GPRIN1: variants seen among roughly 807,000 people sequenced by gnomAD.
GPRIN1 encodes the protein G protein regulated inducer of neurite outgrowth 1, also known as G protein-regulated inducer of neurite outgrowth 1.
Under a neutral mutation model 2.8 loss-of-function variants are expected in GPRIN1, and 4 were observed. The ratio of observed to expected loss-of-function variants is 1.45; its 90% CI spans 0.71 to 3.32. The LOEUF is 3.32. Among genes scored for constraint, GPRIN1 ranks in the 30% most tolerant of loss-of-function variants. The pLI, the probability that GPRIN1 is intolerant of heterozygous loss-of-function variation, is 0.01. For synonymous variants in GPRIN1, 589 were observed against 589.9 expected (o/e 1.00, Z 0.02); for missense variants, 1,322 against 1,343.4 (o/e 0.98, Z 0.25).
In GPRIN1 at chr5:176,596,794, A is replaced by G; in HGVS notation, c.*14T>C. The G allele has an allele frequency of 7.0e-7, 1 of 1,426,578 alleles. No individual in the cohort carries two copies. The highest frequency in any genetic ancestry group is 9.2e-7 in the Non-Finnish European group (1 of 1,090,424). 88.4% of individuals were successfully genotyped at this position (1,426,578 alleles called of 1,614,324 possible). A position where few individuals can be genotyped will look rare whatever the true frequency, so the allele number is the denominator to read the frequency against. ...GAGAAGGTCGGAAACTCGGGCGTAC[A>G]AAATGGGGGCAGATCACTCGGCCGT... On this transcript the variant is annotated 3_prime_UTR_variant, in exon 2 of 2. Coordinates refer to ENST00000303991, the MANE Select transcript of GPRIN1 (RefSeq NM_052899.3). This position sits in a 1 kb window ranked among gnomAD's most constrained non-coding sequence, Gnocchi z 5.2.
At position 176,597,871 on chromosome 5, in the gene GPRIN1, C is replaced by T. The variant is rs1203792402; in HGVS notation, c.1964G>A (p.Gly655Glu). 1.9e-6 allele frequency: 3 copies of T among 1,613,590 alleles called. No homozygotes were observed. Among genetic ancestry groups the T allele is most frequent in the Non-Finnish European group, 2.5e-6 (3 of 1,179,926 alleles). Reference protein sequence around the residue: ...QEGAAAPGEAGAVCLKKETPQ... With the variant: ...QEGAAAPGEAEAVCLKKETPQ... ...TGTCTCCTTTTTCAAACACACAGCCCCTGCTTCCCCTGGTGCTGCAGCGCC... is the reference window on the plus strand; with the variant it reads ...TGTCTCCTTTTTCAAACACACAGCCTCTGCTTCCCCTGGTGCTGCAGCGCC... Residue 655 changes from glycine to glutamate, a missense_variant, in exon 2 of 2, where the codon GGG becomes GAG. This residue lies in a region of GPRIN1 where 1,117 missense variants were observed against 1,128.6 expected (regional missense o/e 0.99). Transcript: ENST00000303991. This position sits in a 1 kb window ranked among gnomAD's most constrained non-coding sequence, Gnocchi z 6.1.
At chr5:176,609,712 C>T (rs1019788630) in intron 1 of GPRIN1, among the ~76,000 whole-genome samples, 1 of 151,968 alleles carries the variant, frequency 6.6e-6, no homozygotes, top group African/African-American at 2.4e-5. Flanking sequence ...GCCGACCCCA[C>T]AGCCAGGTCA....
At chr5:176,608,171 G>A (rs1358296806) in intron 1 of GPRIN1, among the ~76,000 whole-genome samples, 1 of 151,704 alleles carries the variant, frequency 6.6e-6, no homozygotes, top group Non-Finnish European at 1.5e-5. Context: ...CCTCCTGCCT[G>A]GGCTTCTCAA....
rs565127464 is a variant in GPRIN1 at position 176,600,780 on chromosome 5, G to C, written c.-43-903C>G. Among the ~76,000 whole-genome samples the C allele has an allele frequency of 1.9e-4, 29 of 152,260 alleles. No homozygotes were observed. In the South Asian group the frequency reaches 5.6e-3, roughly 29 times the overall value. On this transcript the variant is annotated intron_variant, in intron 1 of 1. Transcript: ENST00000303991. Reference sequence around the variant, plus strand: ...TATACAAAAAAATTAGCCAGGTGTGGTGGTGCACGCCTGTAATCCCAGCTA... The same window carrying C: ...TATACAAAAAAATTAGCCAGGTGTGCTGGTGCACGCCTGTAATCCCAGCTA...
In GPRIN1 at chr5:176,599,158, T is replaced by C. The variant is rs1339128429; in HGVS notation, c.677A>G (p.Tyr226Cys). Residue 226 changes from tyrosine (Y) to cysteine (C), a missense_variant, in exon 2 of 2, where the codon TAT becomes TGT. This residue lies in a region of GPRIN1 where 1,117 missense variants were observed against 1,128.6 expected (regional missense o/e 0.99). Coordinates refer to ENST00000303991, the MANE Select transcript of GPRIN1 (RefSeq NM_052899.3). ...ATCCTCCTTCCTCGGTGACACTGTA[T>C]ACGTCTTGCTGGAGCACAAAGGATC... ...KVDPLCSSKT[Y>C]TVSPRKEDPG... 1 of 1,613,736 alleles carries C rather than the reference T, an allele frequency of 6.2e-7. No homozygotes were observed. Among genetic ancestry groups the C allele is most frequent in the African/African-American group, 1.3e-5 (1 of 74,896 alleles).
At chr5:176,609,260 G>A (rs531964905) in intron 1 of GPRIN1, among the ~76,000 whole-genome samples, 5 of 152,278 alleles carry the variant, frequency 3.3e-5, no homozygotes, top group East Asian at 3.9e-4. Context: ...GGGTGGCCCC[G>A]AGTGTGTTGT....
chr5:176,598,540 G>C lies in GPRIN1; in HGVS notation c.1295C>G (p.Pro432Arg). The C allele has an allele frequency of 6.2e-7, 1 of 1,614,138 alleles. No homozygotes were observed. Among genetic ancestry groups the C allele is most frequent in the African/African-American group, 1.3e-5 (1 of 75,042 alleles). The change falls in exon 2 of 2, where the codon CCA becomes CGA. Residue 432 changes from proline to arginine, a missense_variant. Pro to Arg is a moderately radical substitution (Grantham distance 103, BLOSUM62 -2). Coordinates refer to ENST00000303991, the MANE Select transcript of GPRIN1 (RefSeq NM_052899.3). The stretch of plus-strand genomic sequence containing the variant: ...TGCCTGTCCAGGAGACAAGAGCTCT[G>C]GCTTTCCTGAGCACATGGGGTCCAT... ...GKMDPMCSGKPELLSPGQAER... is the reference protein window; with the variant it reads ...GKMDPMCSGKRELLSPGQAER...
In GPRIN1 at chr5:176,598,348, T is replaced by C; in HGVS notation, c.1487A>G (p.Asp496Gly). The part of the protein sequence containing the change: ...KTNPVSSGPG[D>G]PRSLGTAGPP... ...ACCTGCTGTCCCCAAGGACCTGGGA[T>C]CGCCTGGACCTGAAGACACAGGGTT... is the stretch of plus-strand genomic sequence containing the variant. Residue 496 changes from aspartate to glycine, a missense_variant, in exon 2 of 2, where the codon GAT becomes GGT. Around this residue, in one of 3 missense-constraint regions of GPRIN1, gnomAD observed 1,117 missense variants for 1,128.6 expected, o/e 0.99. Transcript: ENST00000303991. The C allele has an allele frequency of 6.2e-7, 1 of 1,613,770 alleles. No homozygotes were observed. Among genetic ancestry groups the C allele is most frequent in the Non-Finnish European group, 8.5e-7 (1 of 1,179,726 alleles).
In GPRIN1 at chr5:176,599,816, G is replaced by T; in HGVS notation, c.19C>A (p.Pro7Thr). 1 of 1,491,722 alleles carries T rather than the reference G, an allele frequency of 6.7e-7. No homozygotes were observed. The highest frequency in any genetic ancestry group is 1.4e-5 in the South Asian group (1 of 69,788). 92.4% of individuals were successfully genotyped at this position (1,491,722 alleles called of 1,614,324 possible). A position where few individuals can be genotyped will look rare whatever the true frequency, so the allele number is the denominator to read the frequency against. The change falls in exon 2 of 2, where the codon CCG becomes ACG. Residue 7 changes from proline to threonine, a missense_variant. Pro to Thr is a conservative substitution (Grantham distance 38). This residue lies in a region of GPRIN1 where 1,117 missense variants were observed against 1,128.6 expected (regional missense o/e 0.99). Coordinates refer to ENST00000303991, the MANE Select transcript of GPRIN1 (RefSeq NM_052899.3). The part of the protein sequence containing the change: MDTAED[P>T]AWLQLLQKDS... ...TTTTGAAGCAGCTGGAGCCAGGCCG[G>T]GTCTTCAGCAGTGTCCATCTGCCCT...
intron 1 of GPRIN1, among the ~76,000 whole-genome samples, chr5:176,603,256 T>A (rs1023853130): frequency 5.9e-5 from 9 of 151,892 alleles, no homozygotes; most frequent in Non-Finnish European, 1.3e-4. Flanking sequence ...ATACACACTC[T>A]CTCTCTCCCC....
Position 176,599,850 on chromosome 5 carries a change from C to CT in GPRIN1, c.-17_-16insA. On this transcript the variant is annotated 5_prime_UTR_variant, in exon 2 of 2. Coordinates refer to ENST00000303991, the MANE Select transcript of GPRIN1 (RefSeq NM_052899.3). ...CAGTGTCCATCTGCCCTCATGACCA[C>CT]GCCTGCACCCAAGGCTGCTGTCTGG... is the stretch of plus-strand genomic sequence containing the variant. The CT allele has an allele frequency of 7.0e-7, 1 of 1,430,102 alleles. No individual in the cohort carries two copies. Among genetic ancestry groups the CT allele is most frequent in the Non-Finnish European group, 9.2e-7 (1 of 1,087,768 alleles). 88.6% of individuals were successfully genotyped at this position (1,430,102 alleles called of 1,614,324 possible). A position where few individuals can be genotyped will look rare whatever the true frequency, so the allele number is the denominator to read the frequency against.
chr5:176,599,107 G>A lies in GPRIN1; in HGVS notation c.728C>T (p.Pro243Leu), dbSNP rs754227254. ...EDPGSLRKVD[P>L]VSSDKVDPVF... ...AGGGTCCACTTTGTCTGAGGACACA[G>A]GATCCACCTTTCTCAAAGACCCAGG... The change falls in exon 2 of 2, where the codon CCT becomes CTT. Residue 243 changes from proline to leucine, a missense_variant. By Grantham distance (98) the Pro-to-Leu change is moderately conservative. Around this residue, in one of 3 missense-constraint regions of GPRIN1, gnomAD observed 1,117 missense variants for 1,128.6 expected, o/e 0.99. Transcript: ENST00000303991. 1 of 1,613,978 alleles carries A rather than the reference G, an allele frequency of 6.2e-7. No homozygotes were observed. Among genetic ancestry groups the A allele is most frequent in the East Asian group, 2.2e-5 (1 of 44,874 alleles).
rs1379233306 is a variant in GPRIN1, at chr5:176,596,911, G to C, written c.2924C>G (p.Pro975Arg). 1 of 1,226,138 alleles carries C rather than the reference G, an allele frequency of 8.2e-7. No homozygotes were observed. The highest frequency in any genetic ancestry group is 3.3e-5 in the East Asian group (1 of 30,376). The allele number at this position is 1,226,138 out of a possible 1,614,324, so 76.0% of individuals were successfully genotyped here. A position where few individuals can be genotyped will look rare whatever the true frequency, so the allele number is the denominator to read the frequency against. Reference sequence around the variant, plus strand: ...CGGACGCTTGGCGGCGCCATCTGGGGGCGCGGTGCGCACCGAGCCCGAACG... The same window carrying C: ...CGGACGCTTGGCGGCGCCATCTGGGCGCGCGGTGCGCACCGAGCCCGAACG... ...PGRSGSVRTA[P>R]PDGAAKRPPG... is the part of the protein sequence containing the mutation. Residue 975 changes from proline (P) to arginine (R), a missense_variant, in exon 2 of 2, where the codon CCC becomes CGC. By Grantham distance (103) the Pro-to-Arg change is moderately radical (BLOSUM62 -2). Transcript: ENST00000303991. The surrounding 1 kb of genome is among the most constrained non-coding windows in gnomAD (Gnocchi z 5.2).
chr5:176,608,438 A>C (rs1027619904), intron 1 of GPRIN1, among the ~76,000 whole-genome samples: 1 of 152,238 alleles, frequency 6.6e-6, no homozygotes, highest in Non-Finnish European at 1.5e-5. Flanking sequence ...CAGAAGGCAG[A>C]AATGTCTGCT....
In GPRIN1 at chr5:176,599,587, C is replaced by A. The variant is rs755290532; in HGVS notation, c.248G>T (p.Cys83Phe). 1 of 1,551,156 alleles carries A rather than the reference C, an allele frequency of 6.4e-7. No homozygotes were observed. The highest frequency in any genetic ancestry group is 8.7e-7 in the Non-Finnish European group (1 of 1,152,610). ...CAGGCTCCCTCTGGGGCCGTCAGAG[C>A]AGGAGGCCCCTTCCCCAGCCCCACT... Reference protein sequence around the residue: ...SPSGAGEGASCSDGPRGSLAC... With the variant: ...SPSGAGEGASFSDGPRGSLAC... Residue 83 changes from cysteine to phenylalanine, a missense_variant, in exon 2 of 2, where the codon TGC (cysteine) becomes TTC (phenylalanine). By Grantham distance (205) the Cys-to-Phe change is radical (BLOSUM62 -2). Coordinates refer to ENST00000303991, the MANE Select transcript of GPRIN1 (RefSeq NM_052899.3).
rs114390685 is a variant in GPRIN1, at chr5:176,599,437, G to C, written c.398C>G (p.Ser133Cys). The change falls in exon 2 of 2, where the codon TCC becomes TGC. Residue 133 changes from serine (S) to cysteine (C), a missense_variant. Transcript: ENST00000303991. ...ATTSGKPEPV[S>C]SVKTEPKSSD... ...GGATTTGGGCTCAGTTTTCACGGAG[G>C]ACACAGGCTCTGGCTTCCCAGACGT... is the stretch of plus-strand genomic sequence containing the variant. 2.5e-6 allele frequency: 4 copies of C among 1,614,246 alleles called. No homozygotes were observed. The highest frequency in any genetic ancestry group is 3.4e-6 in the Non-Finnish European group (4 of 1,180,046).
At chr5:176,609,891 C>T (rs1759286706) in intron 1 of GPRIN1, 108 bp downstream of exon 1, 1 of 151,234 alleles carries the variant, frequency 6.6e-6, no homozygotes, top group Non-Finnish European at 1.5e-5. Flanking sequence ...AGCCCCGCCG[C>T]CGGGGGGCTT....
Position 176,599,755 on chromosome 5 carries a change from A to G in GPRIN1, c.80T>C (p.Phe27Ser), listed in dbSNP as rs1324929973. Residue 27 changes from phenylalanine (F) to serine (S), a missense_variant, in exon 2 of 2, where the codon TTC becomes TCC. Physicochemically the swap from Phe to Ser is radical, Grantham distance 155. This residue lies in a region of GPRIN1 where 1,117 missense variants were observed against 1,128.6 expected (regional missense o/e 0.99). Coordinates refer to ENST00000303991, the MANE Select transcript of GPRIN1 (RefSeq NM_052899.3). ...CAGGCTCCCATCCTGTGGGCAGAAG[A>G]AGGCTGTGGGTCGGGGTCCTGGGGG... ...SSPPGPRPTAFFCPQDGSLGA... is the reference protein window; with the variant it reads ...SSPPGPRPTASFCPQDGSLGA... 1.3e-6 allele frequency: 2 copies of G among 1,533,178 alleles called. No homozygotes were observed. Among genetic ancestry groups the G allele is most frequent in the Non-Finnish European group, 1.8e-6 (2 of 1,140,110 alleles). The allele number at this position is 1,533,178 out of a possible 1,614,324, so 95.0% of individuals were successfully genotyped here.
Position 176,598,435 on chromosome 5 carries a change from A to AT in GPRIN1, c.1399dup (p.Ile467AsnfsTer6). ...TGATGTCTTTCTACTTCCAGCAGAT[A>AT]TGGGGTCCTCCCTTCTGGAGGACAC... On this transcript the variant is annotated frameshift_variant, in exon 2 of 2. Coordinates refer to ENST00000303991, the MANE Select transcript of GPRIN1 (RefSeq NM_052899.3). LOFTEE classifies it low-confidence loss of function (END_TRUNC). 6.2e-7 allele frequency: 1 copy of AT among 1,614,046 alleles called. No homozygotes were observed. Among genetic ancestry groups the AT allele is most frequent in the Non-Finnish European group, 8.5e-7 (1 of 1,180,000 alleles).
Sources: allele counts gnomAD v4.1 joint callset (sites outside exome capture counted in the v4.1 genomes callset), GRCh38; gene constraint gnomAD v4.1.1; regional missense constraint gnomAD v4.1.1; non-coding constraint Gnocchi (gnomAD v3.1); transcripts MANE v1.5; gene names NCBI Gene and HGNC (gene_info 2026-07-23, HGNC 2026-07-21).